EYS: variants seen among roughly 807,000 people sequenced by gnomAD.
The protein encoded by EYS is EGF-like photoreceptor maintenance factor.
Under a neutral mutation model 282.1 loss-of-function variants are expected in EYS, and 250 were observed. The ratio of observed to expected loss-of-function variants is 0.89; its 90% CI spans 0.80 to 0.98. The LOEUF (loss-of-function observed/expected upper bound fraction) is 0.98. Ranked by LOEUF, EYS falls within the 50% of genes least tolerant of loss-of-function variation. The pLI is 0.00. For missense variants in EYS, 4,016 were observed against 3,709.0 expected (o/e 1.08, Z -2.15); for synonymous variants, 1,355 against 1,282.9 (o/e 1.06, Z -1.20).
At chr6:64,395,223 G>A (rs1582697799) in intron 28 of EYS, among the ~76,000 whole-genome samples, 1 of 152,230 alleles carries the variant, frequency 6.6e-6, no homozygotes, top group Non-Finnish European at 1.5e-5. Flanking sequence ...AGTCAGTGTG[G>A]CGATTCCTCA....
intron 22 of EYS, among the ~76,000 whole-genome samples, chr6:64,719,795 G>C (rs1359567853): frequency 1.3e-5 from 2 of 152,124 alleles, no homozygotes; most frequent in Admixed American, 1.3e-4. Context: ...TCCCAGAACG[G>C]GAGGCTGAGG....
intron 12 of EYS, among the ~76,000 whole-genome samples, chr6:65,170,717 TCA>T (rs1462089821): frequency 6.6e-6 from 1 of 151,486 alleles, no homozygotes; most frequent in Non-Finnish European, 1.5e-5. Context: ...TTTTAATACA[TCA>T]GCCAAATACT....
chr6:65,455,139 G>T (rs1269523641), intron 5 of EYS, among the ~76,000 whole-genome samples: 1 of 152,016 alleles, frequency 6.6e-6, no homozygotes, highest in East Asian at 1.9e-4. Flanking sequence ...GTAAACATGG[G>T]ATTATGTCCG....
intron 12 of EYS, among the ~76,000 whole-genome samples, chr6:65,175,307 A>G (rs754967742): frequency 6.6e-6 from 1 of 151,402 alleles, no homozygotes; most frequent in African/African-American, 2.4e-5. Flanking sequence ...TAGTAAGGCA[A>G]GCACAGGAGA....
chr6:65,373,084 A>C (rs1765224395), intron 8 of EYS, among the ~76,000 whole-genome samples: 1 of 152,152 alleles, frequency 6.6e-6, no homozygotes, highest in South Asian at 2.1e-4. Context: ...ACACATCTGC[A>C]CAAATACAAA....
intron 19 of EYS, among the ~76,000 whole-genome samples, chr6:64,865,364 T>C (rs1766395709): frequency 6.6e-6 from 1 of 152,146 alleles, no homozygotes; most frequent in Admixed American, 6.5e-5. Flanking sequence ...GGAGGTGATT[T>C]CTAAGAAGGC....
At chr6:65,642,173 C>T (rs909190403) in intron 1 of EYS, among the ~76,000 whole-genome samples, 2 of 151,966 alleles carry the variant, frequency 1.3e-5, no homozygotes, top group Admixed American at 1.3e-4. Flanking sequence ...ATTTTGTGCT[C>T]TCCCTGATGA....
intron 15 of EYS, among the ~76,000 whole-genome samples, chr6:64,917,083 T>C (rs1768189132): frequency 6.6e-6 from 1 of 152,138 alleles, no homozygotes; most frequent in South Asian, 2.1e-4. Flanking sequence ...ACCCTGTCTC[T>C]ACTAAAAATA....
chr6:64,435,438 C>CA (rs1491470052), intron 28 of EYS, among the ~76,000 whole-genome samples: 17 of 135,224 alleles, frequency 1.3e-4, no homozygotes, highest in Non-Finnish European at 2.4e-4. Flanking sequence ...CTTCTTCTTC[C>CA]TTTTTTTTTT....
chr6:64,934,929 T>C (rs1768855369), intron 15 of EYS, among the ~76,000 whole-genome samples: 1 of 151,802 alleles, frequency 6.6e-6, no homozygotes, highest in African/African-American at 2.4e-5. Flanking sequence ...AGATGGAGCA[T>C]AAAACCATAA....
chr6:64,494,426 C>T (rs1034184377), intron 26 of EYS, among the ~76,000 whole-genome samples: 4 of 151,682 alleles, frequency 2.6e-5, no homozygotes, highest in Admixed American at 2.6e-4. Context: ...GCACCCAGGA[C>T]TGTACCCTTC....
At chr6:65,028,563 T>C (rs1036260370) in intron 13 of EYS, among the ~76,000 whole-genome samples, 1 of 152,030 alleles carries the variant, frequency 6.6e-6, no homozygotes, top group East Asian at 1.9e-4. Flanking sequence ...AGTCTAGTAA[T>C]TTTGAAAAGT....
intron 12 of EYS, among the ~76,000 whole-genome samples, chr6:65,070,766 A>G (rs1465157374): frequency 6.6e-6 from 1 of 151,780 alleles, no homozygotes; most frequent in Non-Finnish European, 1.5e-5. Flanking sequence ...GATACCACTC[A>G]TGTCTATGTT....
At chr6:64,341,461 A>G (rs930961766) in intron 29 of EYS, among the ~76,000 whole-genome samples, 1 of 151,760 alleles carries the variant, frequency 6.6e-6, no homozygotes, top group Non-Finnish European at 1.5e-5. Context: ...CCAAATACTC[A>G]TGTTCTCACT....
chr6:64,385,945 T>C (rs892123161), intron 29 of EYS, among the ~76,000 whole-genome samples: 1 of 152,206 alleles, frequency 6.6e-6, no homozygotes, highest in Admixed American at 6.5e-5. Context: ...GGCATGTACC[T>C]CTTTCTTAGC....
rs143927990 is a variant in EYS, at chr6:64,929,271, C to T, written c.2381+16522G>A. The stretch of plus-strand genomic sequence containing the variant: ...AGCCAAGGGATGCCAAAGATTGTCC[C>T]GGCAAAGTAATACAGAAGGTATACA... On this transcript the variant is annotated intron_variant, in intron 15 of 42. Transcript: ENST00000503581. 4.1e-4 allele frequency among the ~76,000 whole-genome samples: 62 copies of T among 152,134 alleles called. 2 individuals carry two copies. The South Asian group carries it at 6.6e-3, about 16-fold the overall frequency.
chr6:63,849,526 G>T (rs1368008131), intron 36 of EYS, among the ~76,000 whole-genome samples: 5 of 152,180 alleles, frequency 3.3e-5, no homozygotes, highest in Non-Finnish European at 2.9e-5. Context: ...TGATACCCAT[G>T]CAAACAGTGT....
intron 2 of EYS, among the ~76,000 whole-genome samples, chr6:65,534,035 G>A (rs1767880312): frequency 6.6e-6 from 1 of 151,462 alleles, no homozygotes; most frequent in Non-Finnish European, 1.5e-5. Context: ...TCTTGTACTT[G>A]GATCAAAGAA....
intron 26 of EYS, among the ~76,000 whole-genome samples, chr6:64,561,690 G>A (rs1765398074): frequency 6.6e-6 from 1 of 151,710 alleles, no homozygotes; most frequent in African/African-American, 2.4e-5. Context: ...AGACACAAAT[G>A]GAAAAACCTC....
Sources: allele counts gnomAD v4.1 joint callset (sites outside exome capture counted in the v4.1 genomes callset), GRCh38; gene constraint gnomAD v4.1.1; transcripts MANE v1.5; gene names NCBI Gene and HGNC (gene_info 2026-07-23, HGNC 2026-07-21).